ASCC3: variants seen among roughly 807,000 people sequenced by gnomAD.
ASCC3 encodes the protein activating signal cointegrator 1 complex subunit 3.
Under a neutral mutation model 256.3 loss-of-function variants are expected in ASCC3, and 158 were observed. The observed-to-expected ratio is 0.62, with a 90% CI of 0.54 to 0.70. The LOEUF (loss-of-function observed/expected upper bound fraction) is 0.70. ASCC3 is among the 30% of genes least tolerant of loss of function. The pLI, the probability that ASCC3 is intolerant of heterozygous loss-of-function variation, is 0.00. For synonymous variants in ASCC3, 948 were observed against 883.4 expected (o/e 1.07, Z -1.30); for missense variants, 2,259 against 2,626.0 (o/e 0.86, Z 3.05).
At chr6:100,834,827 C>T (rs2114468863) in intron 4 of ASCC3, among the ~76,000 whole-genome samples, 1 of 152,148 alleles carries the variant, frequency 6.6e-6, no homozygotes, top group South Asian at 2.1e-4. Flanking sequence ...TGAAGTTGGT[C>T]CTCCAAAAGA....
At chr6:100,872,498 G>A (rs1005556632) in intron 1 of ASCC3, among the ~76,000 whole-genome samples, 3 of 150,954 alleles carry the variant, frequency 2.0e-5, no homozygotes, top group Admixed American at 2.0e-4. Flanking sequence ...ACGGGAGGCA[G>A]GACTAGACTG....
chr6:100,684,876 G>A (rs1002124082), intron 13 of ASCC3, among the ~76,000 whole-genome samples: 16 of 145,544 alleles, frequency 1.1e-4, no homozygotes, highest in African/African-American at 3.6e-4. Flanking sequence ...GCGCGATCTC[G>A]GCTCACTGCA....
chr6:100,517,632 G>A (rs540406768), intron 38 of ASCC3, among the ~76,000 whole-genome samples: 1 of 152,206 alleles, frequency 6.6e-6, no homozygotes, highest in African/African-American at 2.4e-5. Context: ...TCTCCTCAAC[G>A]ATAACAGACA....
chr6:100,718,280 G>A, intron 11 of ASCC3, 29 bp from the exon 12 acceptor site: 2 of 1,528,130 alleles, frequency 1.3e-6, no homozygotes, highest in African/African-American at 1.4e-5. Context: ...TTAAATATGG[G>A]TTATTTAAAT....
chr6:100,849,709 G>C (rs1772565023), intron 3 of ASCC3, among the ~76,000 whole-genome samples: 1 of 152,062 alleles, frequency 6.6e-6, no homozygotes, highest in African/African-American at 2.4e-5. Flanking sequence ...AATATTCTTA[G>C]AGAAGAAAAG....
chr6:100,577,185 T>C (rs1770915536), intron 36 of ASCC3, among the ~76,000 whole-genome samples: 1 of 152,008 alleles, frequency 6.6e-6, no homozygotes, highest in African/African-American at 2.4e-5. Context: ...ACAAGCACAA[T>C]TCCATTTTCT....
In ASCC3 at chr6:100,647,361, C is replaced by A. The variant is rs765295534; in HGVS notation, c.3343G>T (p.Val1115Phe). The change falls in exon 21 of 42, where the codon GTC (valine) becomes TTC (phenylalanine). Residue 1115 changes from valine (V) to phenylalanine (F), a missense_variant. Physicochemically the swap from Val to Phe is conservative, Grantham distance 50 (BLOSUM62 -1). Around this residue, in one of 2 missense-constraint regions of ASCC3, gnomAD observed 1,839 missense variants for 2,206.7 expected, o/e 0.83. Coordinates refer to ENST00000369162, the MANE Select transcript of ASCC3 (RefSeq NM_006828.4). ...MTYRLLNLSKVIDKRLWGWAS... is the reference protein window; with the variant it reads ...MTYRLLNLSKFIDKRLWGWAS... ...CAACCCCAAAGCCTCTTGTCAATGA[C>A]TTTACTAAGATTCAGGAGCCTGTAG... 2.5e-6 allele frequency: 4 copies of A among 1,613,886 alleles called. No homozygotes were observed. Among genetic ancestry groups the A allele is most frequent in the Non-Finnish European group, 3.4e-6 (4 of 1,179,964 alleles).
At chr6:100,660,915 A>G (rs369862909) in intron 16 of ASCC3, among the ~76,000 whole-genome samples, 4 of 151,646 alleles carry the variant, frequency 2.6e-5, no homozygotes, top group African/African-American at 9.7e-5. Context: ...ACTTCTTAAT[A>G]GAGAAAATGA....
chr6:100,750,128 T>C (rs1030336515), intron 10 of ASCC3, among the ~76,000 whole-genome samples: 1 of 151,954 alleles, frequency 6.6e-6, no homozygotes, highest in Non-Finnish European at 1.5e-5. Context: ...GAAAACTTGC[T>C]TCAGATCAAG....
intron 37 of ASCC3, chr6:100,530,340 G>A (rs2114641008): frequency 2.1e-6 from 3 of 1,413,856 alleles, no homozygotes; most frequent in Admixed American, 3.4e-5. Context: ...ACACAATCTA[G>A]TGAAAAAAAC....
At chr6:100,829,204 G>A (rs1771490794) in intron 4 of ASCC3, among the ~76,000 whole-genome samples, 1 of 152,170 alleles carries the variant, frequency 6.6e-6, no homozygotes, top group Non-Finnish European at 1.5e-5. Context: ...AGGTGGAGCT[G>A]CCTGCCAGAC....
intron 13 of ASCC3, among the ~76,000 whole-genome samples, chr6:100,704,363 T>C (rs1213311355): frequency 2.0e-5 from 3 of 151,894 alleles, no homozygotes; most frequent in Non-Finnish European, 4.4e-5. Context: ...AATTCACAAA[T>C]AAAAGTCATG....
rs1562246396 is a variant in ASCC3, at chr6:100,717,530, T to C, written c.2079+545A>G. ...GTGTGAATAGTATAGGTAGTACTAA[T>C]TTTAAAATTAGATAAACTTTTTAAA... On this transcript the variant is annotated intron_variant, in intron 12 of 41. Coordinates refer to ENST00000369162, the MANE Select transcript of ASCC3 (RefSeq NM_006828.4). 2.6e-5 allele frequency among the ~76,000 whole-genome samples: 4 copies of C among 152,102 alleles called. No homozygotes were observed. In the East Asian group the frequency reaches 7.7e-4, roughly 29 times the overall value.
chr6:100,769,828 A>T (rs1194944407), intron 8 of ASCC3, among the ~76,000 whole-genome samples: 10 of 151,952 alleles, frequency 6.6e-5, no homozygotes, highest in Admixed American at 3.9e-4. Flanking sequence ...TATGCCAGTA[A>T]ATCTGACAAC....
chr6:100,673,105 T>A (rs1277376122), intron 14 of ASCC3, among the ~76,000 whole-genome samples: 1 of 152,098 alleles, frequency 6.6e-6, no homozygotes, highest in Non-Finnish European at 1.5e-5. Flanking sequence ...TCATGTCATA[T>A]TCCTTGAAAG....
intron 37 of ASCC3, among the ~76,000 whole-genome samples, chr6:100,522,054 C>T (rs899936816): frequency 1.6e-4 from 24 of 152,236 alleles, no homozygotes; most frequent in South Asian, 4.2e-4. Flanking sequence ...TTTTAGTACA[C>T]GGAGGATAAA....
chr6:100,816,700 G>A (rs1335426510), intron 4 of ASCC3, among the ~76,000 whole-genome samples: 1 of 152,030 alleles, frequency 6.6e-6, no homozygotes, highest in Non-Finnish European at 1.5e-5. Flanking sequence ...GGAGCTAATT[G>A]ATGAGAACAG....
At chr6:100,799,880 TTCAATC>T (rs1489170895) in intron 6 of ASCC3, among the ~76,000 whole-genome samples, 20 of 152,130 alleles carry the variant, frequency 1.3e-4, no homozygotes, top group African/African-American at 4.8e-4. Context: ...TGAAATGTGT[TTCAATC>T]TTTAAAGAAT....
chr6:100,859,755 T>TA (rs1773134142), intron 3 of ASCC3, among the ~76,000 whole-genome samples: 1 of 151,948 alleles, frequency 6.6e-6, no homozygotes, highest in Non-Finnish European at 1.5e-5. Context: ...GTAAGATGCA[T>TA]AAAAAAGTCA....
Sources: gnomAD v4.1 joint callset for allele counts (sites outside exome capture counted in the v4.1 genomes callset) on GRCh38, gnomAD v4.1.1 for gene constraint, gnomAD v4.1.1 regional missense constraint, MANE v1.5 for transcripts, NCBI Gene and HGNC (gene_info 2026-07-23, HGNC 2026-07-21) for gene names.